Variants in PKHD1L1 observed in about 807,000 individuals in gnomAD.
PKHD1L1 encodes the protein fibrocystin-L.
A neutral mutation model predicts 462.9 loss-of-function variants in PKHD1L1; 434 were observed. That is an observed-to-expected ratio of 0.94 (90% confidence interval 0.87 to 1.02). The LOEUF is 1.02. Among genes scored for constraint, PKHD1L1 ranks in the 50% least tolerant of loss-of-function variants. The pLI, the probability that PKHD1L1 is intolerant of heterozygous loss-of-function variation, is 0.00. For synonymous variants in PKHD1L1, 1,781 were observed against 1,750.0 expected, an observed-to-expected ratio of 1.02 and a Z score of -0.44; for missense variants, 5,202 against 5,096.1, an observed-to-expected ratio of 1.02 and a Z score of -0.63.
In PKHD1L1 at chr8:109,442,066, G is replaced by T; in HGVS notation, c.4264G>T (p.Val1422Leu). ...CCTAAATGTGTCTGTGGGGGACACA[G>T]TGGCATGGCATTGGCAAACACATCC... ...PVLNVSVGDT[V>L]AWHWQTHPFL... The change falls in exon 35 of 78, where the codon GTG (valine) becomes TTG (leucine). Residue 1422 changes from valine to leucine, a missense_variant. Physicochemically the swap from Val to Leu is conservative, Grantham distance 32. Transcript: ENST00000378402. 1 of 1,613,478 alleles carries T rather than the reference G, an allele frequency of 6.2e-7. No homozygotes were observed. Among genetic ancestry groups the T allele is most frequent in the East Asian group, 2.2e-5 (1 of 44,858 alleles).
chr8:109,524,815 T>TCCTA (rs1241381848), intron 76 of PKHD1L1, among the ~76,000 whole-genome samples: 5 of 147,048 alleles, frequency 3.4e-5, no homozygotes, highest in African/African-American at 7.6e-5. Context: ...CATCCCTCCT[T>TCCTA]CCTTCCTTCC....
chr8:109,445,686 C>A, intron 38 of PKHD1L1, 41 bp downstream of exon 38: 1 of 1,482,134 alleles, frequency 6.7e-7, no homozygotes, highest in South Asian at 1.2e-5. Context: ...ATTATAGTAT[C>A]GATAATATTT....
intron 11 of PKHD1L1, among the ~76,000 whole-genome samples, chr8:109,398,234 C>T (rs1319957192): frequency 2.6e-5 from 4 of 152,074 alleles, no homozygotes; most frequent in African/African-American, 9.7e-5. Context: ...AATTTTCTAT[C>T]TCAGTCTTGT....
At position 109,406,348 on chromosome 8, in the gene PKHD1L1, T is replaced by C; in HGVS notation, c.1683T>C (p.Ala561=). The C allele has an allele frequency of 6.4e-7, 1 of 1,550,422 alleles. No homozygotes were observed. Among genetic ancestry groups the C allele is most frequent in the Non-Finnish European group, 8.7e-7 (1 of 1,146,826 alleles). ...YNMEKTVFLP[A]DASEFILQSA... is the part of the protein sequence containing the mutation. Reference sequence around the variant, plus strand: ...ATCCAATCAAAGTCTTCCTACCTGCTGATGCTTCTGAATTCATACTGCAAT... The same window carrying C: ...ATCCAATCAAAGTCTTCCTACCTGCCGATGCTTCTGAATTCATACTGCAAT... Residue 561 remains alanine (A), a synonymous_variant, in exon 17 of 78, where the codon GCT becomes GCC. Transcript: ENST00000378402.
intron 68 of PKHD1L1, 78 bp from the exon 69 acceptor site, chr8:109,507,585 T>C (rs1783153): frequency 0.4 from 492,281 of 1,223,030 alleles, 102,720 homozygotes; most frequent in South Asian, 0.57. Flanking sequence ...TTTTTGGATA[T>C]CCTCTAAGTA....
intron 2 of PKHD1L1, among the ~76,000 whole-genome samples, chr8:109,377,588 T>C (rs1489741448): frequency 1.3e-5 from 2 of 152,178 alleles, no homozygotes; most frequent in African/African-American, 2.4e-5. Context: ...AAAATTCACA[T>C]ACTGTTAGAA....
chr8:109,515,454 G>T, intron 72 of PKHD1L1, 149 bp downstream of exon 72: 1 of 600,148 alleles, frequency 1.7e-6, no homozygotes, highest in South Asian at 3.9e-5. Context: ...ATACTAAGAT[G>T]TTTTCATTTG....
chr8:109,452,592 A>G, intron 42 of PKHD1L1, 126 bp from the exon 43 acceptor site: 1 of 479,612 alleles, frequency 2.1e-6, no homozygotes, highest in Non-Finnish European at 3.0e-6. Context: ...TAAAATGCTT[A>G]TTGTTTATAT....
chr8:109,456,379 G>T lies in PKHD1L1; in HGVS notation c.6992G>T (p.Ser2331Ile), dbSNP rs1341732281. Residue 2331 changes from serine (S) to isoleucine (I), a missense_variant, in exon 46 of 78, where the codon AGC (serine) becomes ATC (isoleucine). Physicochemically the swap from Ser to Ile is moderately radical, Grantham distance 142. This residue lies in a region of PKHD1L1 where 4,497 missense variants were observed against 4,336.8 expected (regional missense o/e 1.04). Transcript: ENST00000378402. The part of the protein sequence containing the change: ...WKPGDNIVIA[S>I]TGHRHSQGEN... Reference sequence around the variant, plus strand: ...CCAGGAGATAACATTGTAATTGCAAGCACAGGACACAGGTATGATATCTTC... The same window carrying T: ...CCAGGAGATAACATTGTAATTGCAATCACAGGACACAGGTATGATATCTTC... 3.7e-6 allele frequency: 6 copies of T among 1,606,036 alleles called. No individual in the cohort carries two copies. Among genetic ancestry groups the T allele is most frequent in the Non-Finnish European group, 5.1e-6 (6 of 1,175,930 alleles).
In PKHD1L1 at chr8:109,531,503, TAG is replaced by T. The variant is rs1185673580; in HGVS notation, c.*1425_*1426del. ...AGAGGGAGGGGGAGAGAGAGATAGATAGAGAGAGAGAGAAAGCATGAGGTTGC... is the reference window on the plus strand; with the variant it reads ...AGAGGGAGGGGGAGAGAGAGATAGATAGAGAGAGAGAAAGCATGAGGTTGC... On this transcript the variant is annotated 3_prime_UTR_variant, in exon 78 of 78. Coordinates refer to ENST00000378402, the MANE Select transcript of PKHD1L1 (RefSeq NM_177531.6). 1.3e-5 allele frequency among the ~76,000 whole-genome samples: 2 copies of T among 148,766 alleles called. No individual in the cohort carries two copies. Among genetic ancestry groups the T allele is most frequent in the East Asian group, 2.0e-4 (1 of 4,966 alleles).
At chr8:109,409,389 A>G (rs2130585479) in intron 18 of PKHD1L1, among the ~76,000 whole-genome samples, 1 of 152,194 alleles carries the variant, frequency 6.6e-6, no homozygotes, top group African/African-American at 2.4e-5. Context: ...AGCTGGGACT[A>G]CAGGCGCTTG....
chr8:109,513,484 T>G (rs1018893908), intron 71 of PKHD1L1, among the ~76,000 whole-genome samples: 3 of 152,156 alleles, frequency 2.0e-5, no homozygotes, highest in Non-Finnish European at 4.4e-5. Context: ...TGCTAGAAAC[T>G]GAACTCAGCC....
At chr8:109,421,579 G>A (rs1254691711) in intron 23 of PKHD1L1, among the ~76,000 whole-genome samples, 1 of 151,876 alleles carries the variant, frequency 6.6e-6, no homozygotes, top group Non-Finnish European at 1.5e-5. Context: ...TCAGAAGATC[G>A]AGACCATCCG....
chr8:109,470,904 A>G, intron 50 of PKHD1L1: 1 of 1,577,330 alleles, frequency 6.3e-7, no homozygotes, highest in Admixed American at 1.7e-5. Flanking sequence ...AGAGGATGGG[A>G]AGCCTGGGGA....
intron 26 of PKHD1L1, among the ~76,000 whole-genome samples, 171 bp from the exon 27 acceptor site, chr8:109,429,760 AG>A (rs1354242029): frequency 1.3e-5 from 2 of 152,214 alleles, no homozygotes; most frequent in African/African-American, 4.8e-5. Flanking sequence ...AAAAGAGATT[AG>A]GTGACTTTCC....
intron 50 of PKHD1L1, among the ~76,000 whole-genome samples, chr8:109,469,209 G>T (rs1817597276): frequency 6.6e-6 from 1 of 152,042 alleles, no homozygotes; most frequent in South Asian, 2.1e-4. Context: ...TCCCCTACCA[G>T]CATTTCTGGC....
intron 50 of PKHD1L1, among the ~76,000 whole-genome samples, chr8:109,467,372 C>G (rs2130842312): frequency 6.6e-6 from 1 of 152,176 alleles, no homozygotes; most frequent in African/African-American, 2.4e-5. Context: ...GCACTAATCT[C>G]TACATTCCGC....
Position 109,400,133 on chromosome 8 carries a change from A to G in PKHD1L1, c.1070A>G (p.Glu357Gly). The G allele has an allele frequency of 1.9e-6, 3 of 1,613,658 alleles. No individual in the cohort carries two copies. Among genetic ancestry groups the G allele is most frequent in the Non-Finnish European group, 2.5e-6 (3 of 1,179,654 alleles). ...AATAGCCGTCCAATACGTTTGGAAG[A>G]GATACTGGAATACAATGAAAAAACG... ...WNNSRPIRLEEILEYNEKTPG... is the reference protein window; with the variant it reads ...WNNSRPIRLEGILEYNEKTPG... Residue 357 changes from glutamate (E) to glycine (G), a missense_variant, in exon 13 of 78, where the codon GAG (glutamate) becomes GGG (glycine). This residue lies in a region of PKHD1L1 where 4,497 missense variants were observed against 4,336.8 expected (regional missense o/e 1.04). Coordinates refer to ENST00000378402, the MANE Select transcript of PKHD1L1 (RefSeq NM_177531.6).
intron 49 of PKHD1L1, among the ~76,000 whole-genome samples, chr8:109,465,559 A>G (rs981633825): frequency 8.5e-5 from 13 of 152,316 alleles, no homozygotes; most frequent in African/African-American, 3.1e-4. Flanking sequence ...TTTCAGTTTT[A>G]GAATGCCTCC....
Sources: gnomAD v4.1 joint callset for allele counts (sites outside exome capture counted in the v4.1 genomes callset) on GRCh38, gnomAD v4.1.1 for gene constraint, gnomAD v4.1.1 regional missense constraint, MANE v1.5 for transcripts, NCBI Gene and HGNC (gene_info 2026-07-23, HGNC 2026-07-21) for gene names.